L3MBTL4: variants seen among roughly 807,000 people sequenced by gnomAD.
L3MBTL4 encodes the protein lethal(3)malignant brain tumor-like protein 4.
Under a neutral mutation model 84.5 loss-of-function variants are expected in L3MBTL4, and 70 were observed. The ratio of observed to expected loss-of-function variants is 0.83; its 90% confidence interval spans 0.68 to 1.01. The LOEUF (loss-of-function observed/expected upper bound fraction) is 1.01. Ranked by LOEUF, L3MBTL4 falls within the 50% of genes least tolerant of loss-of-function variation. L3MBTL4 has a pLI of 0.00. For missense variants in L3MBTL4, 715 were observed against 754.8 expected (o/e 0.95, Z 0.62); for synonymous variants, 274 against 259.8 (o/e 1.05, Z -0.52).
intron 14 of L3MBTL4, among the ~76,000 whole-genome samples, chr18:6,095,346 GT>G (rs71370544): frequency 0.028 from 3,386 of 122,870 alleles, 82 homozygotes; most frequent in African/African-American, 0.093. Flanking sequence ...GGGGAACATG[GT>G]TTTTTTTTTT....
rs1018881058 is a variant in L3MBTL4, at chr18:6,011,419, T to G, written c.1445-41857A>C. 4.6e-5 allele frequency among the ~76,000 whole-genome samples: 7 copies of G among 152,284 alleles called. No homozygotes were observed. In the East Asian group the frequency reaches 1.4e-3, roughly 29 times the overall value. ...AGTTTCTGTACACAGATACCTGACA[T>G]AGACAGCTCTATGGAATTCAAGGGA... On this transcript the variant is annotated intron_variant, in intron 16 of 18. Coordinates refer to ENST00000317931, the MANE Select transcript of L3MBTL4 (RefSeq NM_001330559.2).
chr18:5,980,339 G>A (rs1331367448), intron 16 of L3MBTL4, among the ~76,000 whole-genome samples: 1 of 151,992 alleles, frequency 6.6e-6, no homozygotes, highest in African/African-American at 2.4e-5. Flanking sequence ...TTCCCCCCAG[G>A]AAGTGAAACA....
intron 16 of L3MBTL4, among the ~76,000 whole-genome samples, chr18:5,983,797 C>T (rs747022213): frequency 8.5e-5 from 13 of 152,168 alleles, no homozygotes; most frequent in Non-Finnish European, 1.8e-4. Flanking sequence ...GAACTTACTG[C>T]CTCTGATTTT....
At chr18:6,055,204 T>C (rs1282762478) in intron 16 of L3MBTL4, among the ~76,000 whole-genome samples, 1 of 152,260 alleles carries the variant, frequency 6.6e-6, no homozygotes, top group African/African-American at 2.4e-5. Flanking sequence ...ATGTTCATGA[T>C]GTTTAAAGAT....
chr18:6,290,558 C>G (rs150020342), intron 4 of L3MBTL4, among the ~76,000 whole-genome samples: 1 of 151,430 alleles, frequency 6.6e-6, no homozygotes, highest in Non-Finnish European at 1.5e-5. Flanking sequence ...GACAGAGTCT[C>G]GCTCTATCAC....
At chr18:6,026,086 G>A (rs542053142) in intron 16 of L3MBTL4, among the ~76,000 whole-genome samples, 6 of 152,204 alleles carry the variant, frequency 3.9e-5, no homozygotes, top group East Asian at 1.9e-4. Context: ...ATCATGATAC[G>A]ACTGACTTCT....
chr18:6,180,755 T>G (rs897508356), intron 12 of L3MBTL4, among the ~76,000 whole-genome samples: 1 of 152,030 alleles, frequency 6.6e-6, no homozygotes, highest in African/African-American at 2.4e-5. Context: ...TCAGTGGGAG[T>G]CAAGAATGAA....
At chr18:6,318,079 C>A (rs2147017750) in intron 1 of L3MBTL4, among the ~76,000 whole-genome samples, 1 of 152,112 alleles carries the variant, frequency 6.6e-6, no homozygotes, top group South Asian at 2.1e-4. Flanking sequence ...TACCCCAGAC[C>A]AGCCCTACGA....
chr18:6,304,461 A>G (rs1288006578), intron 3 of L3MBTL4, among the ~76,000 whole-genome samples: 1 of 152,254 alleles, frequency 6.6e-6, no homozygotes, highest in East Asian at 1.9e-4. Context: ...ATGCATTTGA[A>G]TCATCTGGGA....
chr18:6,183,985 G>A (rs1473079941), intron 12 of L3MBTL4, among the ~76,000 whole-genome samples: 1 of 152,004 alleles, frequency 6.6e-6, no homozygotes, highest in African/African-American at 2.4e-5. Context: ...AAGGAACCTT[G>A]AACAACATGA....
intron 18 of L3MBTL4, among the ~76,000 whole-genome samples, chr18:5,958,123 A>AGAAGAAGAG (rs2095241992): frequency 6.2e-5 from 3 of 48,496 alleles, no homozygotes. Flanking sequence ...AAGAAGAAGA[A>AGAAGAAGAG]GAAGAAAAAG....
At chr18:5,966,976 C>T (rs2052381838) in intron 17 of L3MBTL4, among the ~76,000 whole-genome samples, 2 of 152,142 alleles carry the variant, frequency 1.3e-5, no homozygotes, top group Non-Finnish European at 2.9e-5. Flanking sequence ...TGGCAGTGCC[C>T]CACCAAGGCC....
At chr18:6,334,783 C>T (rs2052244300) in intron 1 of L3MBTL4, among the ~76,000 whole-genome samples, 1 of 152,164 alleles carries the variant, frequency 6.6e-6, no homozygotes, top group South Asian at 2.1e-4. Context: ...TTCCCAAAAA[C>T]ATATGAGCTG....
At chr18:5,970,644 GT>G (rs1463989489) in intron 16 of L3MBTL4, among the ~76,000 whole-genome samples, 1 of 152,212 alleles carries the variant, frequency 6.6e-6, no homozygotes, top group Non-Finnish European at 1.5e-5. Flanking sequence ...AAAAGGAAAT[GT>G]TTTAAGCCCT....
chr18:6,314,467 G>A (rs1340787089), intron 1 of L3MBTL4, among the ~76,000 whole-genome samples: 3 of 152,148 alleles, frequency 2.0e-5, no homozygotes, highest in Non-Finnish European at 4.4e-5. Flanking sequence ...GACAATGCCC[G>A]AGCACCACCT....
At chr18:6,028,355 G>A (rs946404579) in intron 16 of L3MBTL4, among the ~76,000 whole-genome samples, 2 of 152,142 alleles carry the variant, frequency 1.3e-5, no homozygotes, top group Admixed American at 1.3e-4. Context: ...TAGATGTGTG[G>A]TGTTATTTCT....
intron 13 of L3MBTL4, among the ~76,000 whole-genome samples, chr18:6,151,184 T>C (rs1163410466): frequency 6.6e-6 from 1 of 152,168 alleles, no homozygotes; most frequent in Non-Finnish European, 1.5e-5. Context: ...GTGTTCCCCA[T>C]TCAGGTTGTG....
At chr18:6,119,033 C>A (rs987233365) in intron 14 of L3MBTL4, among the ~76,000 whole-genome samples, 2 of 122,366 alleles carry the variant, frequency 1.6e-5, no homozygotes, top group Non-Finnish European at 3.2e-5. Context: ...AGAACAGTAT[C>A]CCTCCCTTCA....
At chr18:6,017,980 C>T (rs767050989) in intron 16 of L3MBTL4, 71 of 152,172 alleles carry the variant, frequency 4.7e-4, no homozygotes, top group African/African-American at 8.9e-4. Context: ...ACATCCTATC[C>T]CAGCCCCAGT....
Sources: gnomAD v4.1 joint callset for allele counts (sites outside exome capture counted in the v4.1 genomes callset) on GRCh38, gnomAD v4.1.1 for gene constraint, MANE v1.5 for transcripts, NCBI Gene and HGNC (gene_info 2026-07-23, HGNC 2026-07-21) for gene names.